The following F13A1 variants were observed in gnomAD, a reference collection of about 807,000 sequenced individuals.
F13A1 encodes the protein coagulation factor XIII A chain.
A neutral mutation model predicts 80.1 loss-of-function variants in F13A1; 47 were observed. The ratio of observed to expected loss-of-function variants is 0.59; its 90% CI spans 0.46 to 0.75. The LOEUF (loss-of-function observed/expected upper bound fraction) is 0.75. F13A1 is among the 30% of genes least tolerant of loss of function. The pLI is 0.00. For missense variants in F13A1, 817 were observed against 930.4 expected (o/e 0.88, Z 1.59); for synonymous variants, 349 against 344.9 (o/e 1.01, Z -0.13).
At chr6:6,296,902 T>C (rs1465963602) in intron 3 of F13A1, among the ~76,000 whole-genome samples, 2 of 148,746 alleles carry the variant, frequency 1.3e-5, no homozygotes, top group African/African-American at 5.2e-5. Flanking sequence ...ATAGCTCTTA[T>C]TATTTTGAAA....
chr6:6,268,365 TA>T (rs1757873889), intron 3 of F13A1, among the ~76,000 whole-genome samples: 1 of 152,182 alleles, frequency 6.6e-6, no homozygotes, highest in Non-Finnish European at 1.5e-5. Context: ...TAAGAGTCAT[TA>T]AGCAACTTAC....
chr6:6,186,406 G>T lies in F13A1; in HGVS notation c.1306-4265C>A, dbSNP rs571079681. Among the ~76,000 whole-genome samples, 368 of 152,314 alleles carry T rather than the reference G, an allele frequency of 2.4e-3. 3 individuals are homozygous for T. The highest frequency in any genetic ancestry group is 8.2e-3 in the African/African-American group (339 of 41,560). ...TCTTGAATTGATTTTTGTATAAGGT[G>T]TAAGGAAGGGATCCAGTTTCAGCTT... On this transcript the variant is annotated intron_variant, in intron 10 of 14. Coordinates refer to ENST00000264870, the MANE Select transcript of F13A1 (RefSeq NM_000129.4).
At chr6:6,269,408 C>A (rs1299570156) in intron 3 of F13A1, among the ~76,000 whole-genome samples, 1 of 151,862 alleles carries the variant, frequency 6.6e-6, no homozygotes, top group Non-Finnish European at 1.5e-5. Context: ...CTATCAAAGC[C>A]CAAATCTATT....
rs775537720 is a variant in F13A1 at position 6,145,634 on chromosome 6, T to C, written c.2184A>G (p.Arg728=). ...TCCTGTGCATTCACATGGAAGGTCG[T>C]CTTTGAATCTGCACGTCCAGCTCGC... ...VYGELDVQIQ[R]RPSM is the part of the protein sequence containing the mutation. The change falls in exon 15 of 15, where the codon AGA becomes AGG. Residue 728 remains arginine (R), a synonymous_variant. Transcript: ENST00000264870. 3 of 1,614,134 alleles carry C rather than the reference T, an allele frequency of 1.9e-6. No individual in the cohort carries two copies. The South Asian group carries it at 3.3e-5, about 18-fold the overall frequency.
chr6:6,175,882 T>C (rs563040462), intron 11 of F13A1, among the ~76,000 whole-genome samples: 5 of 152,306 alleles, frequency 3.3e-5, no homozygotes, highest in Admixed American at 1.3e-4. Flanking sequence ...AAGAAAAACA[T>C]AGCTTTGTCT....
chr6:6,251,122 C>T (rs1410893409), intron 4 of F13A1, among the ~76,000 whole-genome samples, 193 bp from the exon 5 acceptor site: 1 of 152,180 alleles, frequency 6.6e-6, no homozygotes, highest in African/African-American at 2.4e-5. Context: ...GCACCAAATT[C>T]AGTCTGTAAA....
chr6:6,145,715 A>G lies in F13A1; in HGVS notation c.2103T>C (p.Ser701=). The stretch of plus-strand genomic sequence containing the variant: ...TGCTGGCTATCAGCTTCCGATGCCC[A>G]GAGACCCAGGGCCGGCACACTTCTT... ...QWEEVCRPWV[S]GHRKLIASMS... Residue 701 remains serine, a synonymous_variant, in exon 15 of 15, where the codon TCT becomes TCC. Coordinates refer to ENST00000264870, the MANE Select transcript of F13A1 (RefSeq NM_000129.4). 1 of 1,614,156 alleles carries G rather than the reference A, an allele frequency of 6.2e-7. No homozygotes were observed. The highest frequency in any genetic ancestry group is 8.5e-7 in the Non-Finnish European group (1 of 1,180,010).
At chr6:6,169,601 T>C (rs1760736803) in intron 12 of F13A1, among the ~76,000 whole-genome samples, 1 of 152,106 alleles carries the variant, frequency 6.6e-6, no homozygotes, top group Non-Finnish European at 1.5e-5. Flanking sequence ...TAGTTGTCAA[T>C]AGGAGGCAAT....
At chr6:6,297,262 G>A (rs1472252387) in intron 3 of F13A1, among the ~76,000 whole-genome samples, 1 of 152,034 alleles carries the variant, frequency 6.6e-6, no homozygotes, top group Non-Finnish European at 1.5e-5. Flanking sequence ...CTGGCCTCAT[G>A]AAATGACTTA....
At chr6:6,293,836 T>C (rs1441419404) in intron 3 of F13A1, among the ~76,000 whole-genome samples, 1 of 133,778 alleles carries the variant, frequency 7.5e-6, no homozygotes, top group African/African-American at 3.0e-5. Flanking sequence ...AGAAGGAAAT[T>C]GGTTAGAAGG....
At chr6:6,179,577 C>T (rs554677230) in intron 11 of F13A1, among the ~76,000 whole-genome samples, 88 of 152,282 alleles carry the variant, frequency 5.8e-4, no homozygotes, top group African/African-American at 2.1e-3. Flanking sequence ...TCCTTCTACC[C>T]GCCACATTCA....
intron 10 of F13A1, among the ~76,000 whole-genome samples, chr6:6,189,957 G>A (rs889180845): frequency 7.9e-5 from 12 of 152,062 alleles, no homozygotes; most frequent in East Asian, 3.9e-4. Context: ...TTCCCATCTT[G>A]CTTCATTTCT....
chr6:6,305,881 C>T (rs974552007), intron 2 of F13A1, among the ~76,000 whole-genome samples: 4 of 152,132 alleles, frequency 2.6e-5, no homozygotes, highest in Admixed American at 6.5e-5. Flanking sequence ...CGCTAGTTTT[C>T]GTTATGTTAG....
chr6:6,320,381 CGAGAGCCT>C (rs1480709306), intron 1 of F13A1, among the ~76,000 whole-genome samples, 198 bp downstream of exon 1: 1 of 152,202 alleles, frequency 6.6e-6, no homozygotes, highest in Non-Finnish European at 1.5e-5. Flanking sequence ...AGAGCTGCCT[CGAGAGCCT>C]GAGAGAAGTC....
chr6:6,267,154 G>C (rs1757856942), intron 3 of F13A1, among the ~76,000 whole-genome samples: 1 of 152,132 alleles, frequency 6.6e-6, no homozygotes, highest in Admixed American at 6.5e-5. Context: ...TTCTAAGGAG[G>C]TGGTTACATA....
chr6:6,245,348 G>A (rs2113094678), intron 6 of F13A1, among the ~76,000 whole-genome samples: 1 of 152,188 alleles, frequency 6.6e-6, no homozygotes, highest in East Asian at 1.9e-4. Flanking sequence ...TCAGCCTCCT[G>A]AGTAACTGGA....
At chr6:6,288,009 A>T (rs12194855) in intron 3 of F13A1, among the ~76,000 whole-genome samples, 6 of 151,888 alleles carry the variant, frequency 4.0e-5, no homozygotes, top group Admixed American at 1.3e-4. Flanking sequence ...GATGTTTTTT[A>T]AAAAATAGAC....
At chr6:6,218,107 C>T (rs1757131192) in intron 8 of F13A1, among the ~76,000 whole-genome samples, 1 of 152,142 alleles carries the variant, frequency 6.6e-6, no homozygotes, top group Non-Finnish European at 1.5e-5. Flanking sequence ...CCTATCAGAC[C>T]ACACTCTCTC....
chr6:6,192,224 G>T (rs1761213970), intron 10 of F13A1, among the ~76,000 whole-genome samples: 1 of 152,204 alleles, frequency 6.6e-6, no homozygotes, highest in Admixed American at 6.5e-5. Flanking sequence ...CAGTTTTATT[G>T]TAAGGGTGGT....
Sources: gnomAD v4.1 joint callset for allele counts (sites outside exome capture counted in the v4.1 genomes callset) on GRCh38, gnomAD v4.1.1 for gene constraint, MANE v1.5 for transcripts, NCBI Gene and HGNC (gene_info 2026-07-23, HGNC 2026-07-21) for gene names.